The following CCDC14 variants were observed in gnomAD, a reference collection of about 807,000 sequenced individuals.
The protein encoded by CCDC14 is coiled-coil domain containing 14, also known as coiled-coil domain-containing protein 14.
In CCDC14, 71 loss-of-function variants were observed where a neutral mutation model predicts 81.4. That is an observed-to-expected ratio of 0.87 (90% CI 0.72 to 1.06). The LOEUF (loss-of-function observed/expected upper bound fraction) is 1.06, where lower values mean the gene tolerates loss of function less well. CCDC14 is among the 50% of genes least tolerant of loss of function. The pLI is 0.00. For synonymous variants in CCDC14, 332 were observed against 364.8 expected (o/e 0.91, Z 1.03); for missense variants, 1,046 against 1,047.3 (o/e 1.00, Z 0.02).
At chr3:123,939,816 G>A (rs2036254944) in intron 9 of CCDC14, among the ~76,000 whole-genome samples, 1 of 151,424 alleles carries the variant, frequency 6.6e-6, no homozygotes, top group South Asian at 2.1e-4. Context: ...CAAATTCAGA[G>A]ACAAAAACAA....
intron 8 of CCDC14, among the ~76,000 whole-genome samples, chr3:123,946,157 C>T (rs1486271403): frequency 6.7e-6 from 1 of 148,778 alleles, no homozygotes; most frequent in South Asian, 2.1e-4. Flanking sequence ...GGTCTGCAAA[C>T]GTTAGGTATT....
intron 1 of CCDC14, chr3:123,958,731 T>C (rs2037488773): frequency 6.6e-6 from 1 of 152,124 alleles, no homozygotes; most frequent in Non-Finnish European, 1.5e-5. Flanking sequence ...TACAATCTAA[T>C]ATTCAGACCT....
the CCDC14 span, among the ~76,000 whole-genome samples, chr3:123,886,695 C>T: frequency 6.6e-6 from 1 of 152,090 alleles, no homozygotes; most frequent in Non-Finnish European, 1.5e-5. Flanking sequence ...CCCGCCTGGC[C>T]AGAAGCTCTA....
chr3:123,889,974 C>T, the CCDC14 span, among the ~76,000 whole-genome samples: 4 of 152,182 alleles, frequency 2.6e-5, no homozygotes, highest in African/African-American at 9.7e-5. Flanking sequence ...GTTTAATGGA[C>T]TTACAATTTC....
downstream of CCDC14, among the ~76,000 whole-genome samples, chr3:123,892,812 A>AT (rs113942380): frequency 1.6e-3 from 243 of 148,920 alleles, no homozygotes; most frequent in East Asian, 4.9e-3. Context: ...AATTTTAACC[A>AT]TTTTTTTTTT....
rs2034556271 is a variant in CCDC14 at position 123,914,709 on chromosome 3, G to T, written c.*70C>A. 4 of 1,449,126 alleles carry T rather than the reference G, an allele frequency of 2.8e-6. No individual in the cohort carries two copies. In the South Asian group the frequency reaches 6.1e-5, roughly 22 times the overall value. The allele number at this position is 1,449,126 out of a possible 1,614,324, so 89.8% of individuals were successfully genotyped here. ...TAACATAAAACATCATTTCACTAAAGAAAAATACACATTCAATATAGCCAA... is the reference window on the plus strand; with the variant it reads ...TAACATAAAACATCATTTCACTAAATAAAAATACACATTCAATATAGCCAA... On this transcript the variant is annotated 3_prime_UTR_variant, in exon 13 of 13. Transcript: ENST00000409697.
chr3:123,924,655 A>G (rs1040680055), intron 12 of CCDC14, among the ~76,000 whole-genome samples: 1 of 152,144 alleles, frequency 6.6e-6, no homozygotes, highest in African/African-American at 2.4e-5. Context: ...AATATGTCTA[A>G]GAAAAAATGC....
chr3:123,904,437 T>A (rs1266160521), intron 5 of CCDC14, among the ~76,000 whole-genome samples: 1 of 151,906 alleles, frequency 6.6e-6, no homozygotes, highest in Admixed American at 6.6e-5. Flanking sequence ...AAGGTGTTGA[T>A]GAAAAAAATA....
At chr3:123,916,468 T>TGTGTGTGTGTGTG (rs1559764283) in intron 12 of CCDC14, among the ~76,000 whole-genome samples, 6 of 146,180 alleles carry the variant, frequency 4.1e-5, no homozygotes, top group African/African-American at 1.3e-4. Flanking sequence ...ATATATGTGT[T>TGTGTGTGTGTGTG]TGTGTGTGTG....
intron 9 of CCDC14, among the ~76,000 whole-genome samples, chr3:123,943,280 A>G (rs1006041846): frequency 6.6e-6 from 1 of 152,012 alleles, no homozygotes; most frequent in Non-Finnish European, 1.5e-5. Flanking sequence ...TGGTTCCTGA[A>G]GCAGCTTCAG....
intron 12 of CCDC14, among the ~76,000 whole-genome samples, chr3:123,924,919 A>T (rs1339292843): frequency 6.7e-6 from 1 of 149,836 alleles, no homozygotes; most frequent in Non-Finnish European, 1.5e-5. Flanking sequence ...ATCCATATAT[A>T]TATATATACA....
intron 5 of CCDC14, among the ~76,000 whole-genome samples, chr3:123,951,770 A>T (rs571685838): frequency 6.6e-6 from 1 of 152,352 alleles, no homozygotes; most frequent in Non-Finnish European, 1.5e-5. Context: ...TGCCTCAGCC[A>T]GCAGATGTCA....
intron 1 of CCDC14, 59 bp downstream of exon 1, chr3:123,961,085 G>A: frequency 7.0e-7 from 1 of 1,427,108 alleles, no homozygotes; most frequent in Non-Finnish European, 9.5e-7. Flanking sequence ...TTCCTGGCCC[G>A]AAAACCCCCC....
the CCDC14 span, among the ~76,000 whole-genome samples, chr3:123,886,978 G>A: frequency 1.3e-5 from 2 of 152,026 alleles, no homozygotes; most frequent in African/African-American, 4.8e-5. Context: ...AGGACAAAAG[G>A]GAGGATGAAA....
At chr3:123,901,564 A>C (rs1420182465) in intron 5 of CCDC14, among the ~76,000 whole-genome samples, 1 of 152,174 alleles carries the variant, frequency 6.6e-6, no homozygotes, top group Non-Finnish European at 1.5e-5. Context: ...ATGTAAAAAA[A>C]ATTTTAAGTT....
At chr3:123,945,974 G>A (rs1483277840) in intron 8 of CCDC14, among the ~76,000 whole-genome samples, 1 of 152,046 alleles carries the variant, frequency 6.6e-6, no homozygotes, top group Non-Finnish European at 1.5e-5. Context: ...TGGACACATG[G>A]TAAGTGTTCA....
intron 12 of CCDC14, among the ~76,000 whole-genome samples, chr3:123,916,962 C>A (rs1480847591): frequency 6.6e-6 from 1 of 151,934 alleles, no homozygotes; most frequent in African/African-American, 2.4e-5. Flanking sequence ...CTGCCTCAGC[C>A]TCTTGAGTAG....
the CCDC14 span, among the ~76,000 whole-genome samples, chr3:123,891,400 T>G: frequency 6.6e-6 from 1 of 152,228 alleles, no homozygotes; most frequent in Non-Finnish European, 1.5e-5. Flanking sequence ...ATGCTCTGCC[T>G]CCCTTATAAA....
intron 5 of CCDC14, 150 bp from the exon 6 acceptor site, chr3:123,949,282 A>G: frequency 1.7e-6 from 1 of 577,542 alleles, no homozygotes; most frequent in Admixed American, 3.0e-5. Flanking sequence ...TACTAAAGAA[A>G]ATCATCTCAA....
Sources: allele counts gnomAD v4.1 joint callset (sites outside exome capture counted in the v4.1 genomes callset), GRCh38; gene constraint gnomAD v4.1.1; transcripts MANE v1.5; gene names NCBI Gene and HGNC (gene_info 2026-07-23, HGNC 2026-07-21).